The following ERG variants were observed in gnomAD, a reference collection of about 807,000 sequenced individuals.
The protein encoded by ERG is ETS transcription factor ERG.
In ERG, 9 loss-of-function variants were observed where a neutral mutation model predicts 55.3. The observed-to-expected ratio is 0.16, with a 90% CI of 0.10 to 0.28. The LOEUF (loss-of-function observed/expected upper bound fraction) is 0.28. Ranked by LOEUF, ERG falls within the 10% of genes least tolerant of loss-of-function variation. The pLI is 1.00. For synonymous variants in ERG, 223 were observed against 237.3 expected (o/e 0.94, Z 0.55); for missense variants, 434 against 631.6 (o/e 0.69, Z 3.35).
intron 1 of ERG, among the ~76,000 whole-genome samples, chr21:38,469,775 G>T (rs948915954): frequency 2.0e-5 from 3 of 152,170 alleles, no homozygotes; most frequent in African/African-American, 7.2e-5. Context: ...AGCTGTGTTG[G>T]AGTAGTCATT....
intron 2 of ERG, among the ~76,000 whole-genome samples, chr21:38,430,042 T>G (rs1207663676): frequency 6.6e-6 from 1 of 152,172 alleles, no homozygotes; most frequent in East Asian, 1.9e-4. Context: ...ATTGGCAGTG[T>G]AAAAGTGTTC....
chr21:38,465,455 C>T (rs1157408281), intron 1 of ERG, among the ~76,000 whole-genome samples: 1 of 152,128 alleles, frequency 6.6e-6, no homozygotes, highest in East Asian at 1.9e-4. Flanking sequence ...TGAAACTATT[C>T]CGTATAATCC....
chr21:38,610,501 C>T (rs1353424904), intron 1 of ERG, among the ~76,000 whole-genome samples: 2 of 151,402 alleles, frequency 1.3e-5, no homozygotes, highest in Non-Finnish European at 2.9e-5. Flanking sequence ...AAACCTGATA[C>T]TAGTAGTCCA....
At chr21:38,541,159 C>T (rs2059749428) in intron 2 of ERG, among the ~76,000 whole-genome samples, 1 of 152,176 alleles carries the variant, frequency 6.6e-6, no homozygotes, top group African/African-American at 2.4e-5. Flanking sequence ...AAGACGCCAT[C>T]CAATTATAAA....
chr21:38,581,421 G>A (rs1304978595), intron 1 of ERG, among the ~76,000 whole-genome samples: 3 of 152,166 alleles, frequency 2.0e-5, no homozygotes, highest in Non-Finnish European at 2.9e-5. Context: ...TTCTGGCATG[G>A]AGCTCCTAAA....
intron 1 of ERG, among the ~76,000 whole-genome samples, chr21:38,467,034 A>G (rs2059097335): frequency 6.6e-6 from 1 of 152,182 alleles, no homozygotes; most frequent in Admixed American, 6.5e-5. Context: ...TTTGGCAAGG[A>G]GTGGCTACAA....
intron 1 of ERG, among the ~76,000 whole-genome samples, chr21:38,492,671 G>C (rs1399453740): frequency 1.3e-5 from 2 of 152,202 alleles, no homozygotes; most frequent in Non-Finnish European, 2.9e-5. Context: ...GCAAAGCTGG[G>C]AGAATGTGCT....
intron 1 of ERG, among the ~76,000 whole-genome samples, chr21:38,602,343 G>T (rs2060169677): frequency 6.6e-6 from 1 of 151,958 alleles, no homozygotes; most frequent in Non-Finnish European, 1.5e-5. Context: ...TACTAAGGAG[G>T]CTGAGACAGA....
chr21:38,529,837 G>A (rs952637143), intron 2 of ERG, among the ~76,000 whole-genome samples: 22 of 151,816 alleles, frequency 1.4e-4, no homozygotes, highest in African/African-American at 4.6e-4. Flanking sequence ...ATGGTGGTGG[G>A]CACCTGTAGT....
intron 1 of ERG, among the ~76,000 whole-genome samples, chr21:38,658,190 C>T (rs762620055): frequency 1.3e-5 from 2 of 152,166 alleles, no homozygotes; most frequent in Non-Finnish European, 2.9e-5. Flanking sequence ...GGTAAAGAAG[C>T]AAAGAGGTGA....
chr21:38,528,468 G>T (rs1194244455), intron 2 of ERG, among the ~76,000 whole-genome samples: 4 of 2,192 alleles, frequency 1.8e-3, no homozygotes, highest in Admixed American at 9.1e-3. Context: ...TTTTTTTTGA[G>T]ACGGAGTCTC....
rs867176086 is a variant in ERG, at chr21:38,402,728, A to G, written c.593-91T>C. Reference sequence around the variant, plus strand: ...CCTTTCTTACAAAAAAAAAAAAAAAAAAAGAAAGAAAAAGAAAGAAAGAAA... The same window carrying G: ...CCTTTCTTACAAAAAAAAAAAAAAAGAAAGAAAGAAAAAGAAAGAAAGAAA... On this transcript the variant is annotated intron_variant, in intron 4 of 9. Coordinates refer to ENST00000288319, the MANE Select transcript of ERG (RefSeq NM_182918.4). 4.5e-4 allele frequency: 358 copies of G among 795,620 alleles called. 5 individuals are homozygous for G. Among genetic ancestry groups the G allele is most frequent in the South Asian group, 3.0e-3 (154 of 52,156 alleles). The allele number at this position is 795,620 out of a possible 1,614,324, so 49.3% of individuals were successfully genotyped here. A position where few individuals can be genotyped will look rare whatever the true frequency, so the allele number is the denominator to read the frequency against.
chr21:38,527,245 G>C (rs1456846259), intron 2 of ERG, among the ~76,000 whole-genome samples: 1 of 152,184 alleles, frequency 6.6e-6, no homozygotes, highest in Non-Finnish European at 1.5e-5. Flanking sequence ...GCAAGAATGT[G>C]TTCTAGTCCT....
At chr21:38,581,553 G>A (rs35994703) in intron 1 of ERG, among the ~76,000 whole-genome samples, 7,871 of 152,262 alleles carry the variant, frequency 0.052, 267 homozygotes, top group Middle Eastern at 0.13. Context: ...TTGATTAGAT[G>A]CTCAGAACCT....
chr21:38,451,290 G>T (rs569227096), intron 1 of ERG: 1 of 467,304 alleles, frequency 2.1e-6, no homozygotes, highest in Non-Finnish European at 4.3e-6. Context: ...TATGAGCCTA[G>T]GGGATGTGTA....
chr21:38,638,049 T>C (rs1179823771), intron 1 of ERG, among the ~76,000 whole-genome samples: 1 of 152,172 alleles, frequency 6.6e-6, no homozygotes, highest in African/African-American at 2.4e-5. Context: ...TAAGGTAAGG[T>C]GTGAAACACA....
chr21:38,561,520 C>A (rs2059892834), intron 2 of ERG, among the ~76,000 whole-genome samples: 1 of 146,792 alleles, frequency 6.8e-6, no homozygotes, highest in Non-Finnish European at 1.5e-5. Context: ...TTTCAAACAA[C>A]ACAAGTCAGA....
At chr21:38,367,601 T>C in the ERG span, 39 of 522,524 alleles carry the variant, frequency 7.5e-5, no homozygotes, top group South Asian at 5.5e-4. Flanking sequence ...TCACACACTG[T>C]CACATCTGCT....
chr21:38,634,286 G>A (rs557793764), intron 1 of ERG, among the ~76,000 whole-genome samples: 10 of 152,172 alleles, frequency 6.6e-5, no homozygotes, highest in Admixed American at 2.6e-4. Context: ...AGCAAAAGTC[G>A]CCACTTCACT....
Sources: gnomAD v4.1 joint callset for allele counts (sites outside exome capture counted in the v4.1 genomes callset) on GRCh38, gnomAD v4.1.1 for gene constraint, MANE v1.5 for transcripts, NCBI Gene and HGNC (gene_info 2026-07-23, HGNC 2026-07-21) for gene names.